Variants in MID1 observed in about 807,000 individuals in gnomAD.
The protein encoded by MID1 is midline 1, also known as E3 ubiquitin-protein ligase Midline-1.
A neutral mutation model predicts 40.4 loss-of-function variants in MID1; 7 were observed. The observed-to-expected ratio is 0.17, with a 90% CI of 0.10 to 0.33. The LOEUF is 0.33. Among genes scored for constraint, MID1 ranks in the 10% least tolerant of loss-of-function variants. MID1 has a pLI of 1.00. For synonymous variants in MID1, 229 were observed against 221.2 expected (o/e 1.04, Z -0.31); for missense variants, 367 against 558.5 (o/e 0.66, Z 3.46).
intron 1 of MID1, chrX:10,582,945 T>TA (rs1935052538): frequency 1.8e-5 from 2 of 111,972 alleles, no homozygotes; most frequent in Non-Finnish European, 3.8e-5. Context: ...ATTAATAAAA[T>TA]AAGAGTTTGG....
At chrX:10,673,768 T>C (rs1425370467) in intron 1 of MID1, among the ~76,000 whole-genome samples, 1 of 111,398 alleles carries the variant, frequency 9.0e-6, no homozygotes, top group African/African-American at 3.3e-5. Context: ...ACCTTAGTAG[T>C]GTGGCATGAA....
At chrX:10,670,418 A>C (rs536030299) in intron 1 of MID1, among the ~76,000 whole-genome samples, 3 of 111,905 alleles carry the variant, frequency 2.7e-5, no homozygotes, top group African/African-American at 9.7e-5. Context: ...AGAATATTAA[A>C]GAAAATAAAA....
upstream of MID1, among the ~76,000 whole-genome samples, chrX:10,622,336 G>A (rs1935944176): frequency 9.0e-6 from 1 of 111,283 alleles, no homozygotes; most frequent in South Asian, 3.8e-4. Context: ...CTACAACTGC[G>A]TCTGCCTTCT....
At chrX:10,696,912 T>C (rs2147079926) in intron 1 of MID1, among the ~76,000 whole-genome samples, 1 of 112,205 alleles carries the variant, frequency 8.9e-6, no homozygotes, top group Admixed American at 9.5e-5. Context: ...AATGATCACC[T>C]TGTTTGGAAC....
intron 1 of MID1, among the ~76,000 whole-genome samples, chrX:10,814,366 T>A (rs2044121151): frequency 9.0e-6 from 1 of 111,671 alleles, no homozygotes; most frequent in Non-Finnish European, 1.9e-5. Flanking sequence ...GCCACCAGAA[T>A]GACTCACAGT....
chrX:10,461,667 G>A (rs73492936), intron 7 of MID1, among the ~76,000 whole-genome samples: 6,598 of 111,523 alleles, frequency 0.059, 370 homozygotes, highest in African/African-American at 0.18. Flanking sequence ...TATTATTACA[G>A]TAGTAATAAA....
chrX:10,623,216 A>T (rs1213818993), upstream of MID1, among the ~76,000 whole-genome samples: 1 of 105,448 alleles, frequency 9.5e-6, no homozygotes, highest in East Asian at 2.9e-4. Context: ...GTGCCACTGC[A>T]CTCCAGCCTG....
intron 1 of MID1, among the ~76,000 whole-genome samples, chrX:10,778,195 T>C (rs1457215975): frequency 9.0e-6 from 1 of 111,116 alleles, no homozygotes; most frequent in Non-Finnish European, 1.9e-5. Context: ...GTACAGCAGG[T>C]TTGTTTAACC....
intron 1 of MID1, among the ~76,000 whole-genome samples, chrX:10,602,270 T>A (rs1935544802): frequency 9.3e-6 from 1 of 107,812 alleles, no homozygotes; most frequent in Non-Finnish European, 1.9e-5. Context: ...TTTAAAAAAA[T>A]TTTTAAATGC....
At chrX:10,562,960 C>T (rs1305822295) in intron 2 of MID1, among the ~76,000 whole-genome samples, 1 of 97,034 alleles carries the variant, frequency 1.0e-5, no homozygotes, top group Non-Finnish European at 2.0e-5. Flanking sequence ...AGAACCTGCA[C>T]TATGCCTGCT....
chrX:10,733,671 A>G (rs905520322), intron 1 of MID1, among the ~76,000 whole-genome samples: 3 of 111,983 alleles, frequency 2.7e-5, no homozygotes, highest in Non-Finnish European at 5.6e-5. Context: ...AAACATGTGA[A>G]CAGAAACTTC....
chrX:10,687,143 C>T (rs1191567818), intron 1 of MID1, among the ~76,000 whole-genome samples: 1 of 111,812 alleles, frequency 8.9e-6, no homozygotes, highest in African/African-American at 3.3e-5. Context: ...ATATTCTCTG[C>T]CCTGACCTCC....
At position 10,828,914 on chromosome X, in the gene MID1, G is replaced by A. The variant is rs915530847; in HGVS notation, c.-187+4640C>T. ...ATGACCATTTTCAATACTCATAACC[G>A]TCCAATGAAGTGTGTATTTATGTCT... On this transcript the variant is annotated intron_variant, in intron 1 of 10. Transcript: ENST00000380785. Among the ~76,000 whole-genome samples, 13 of 111,978 alleles carry A rather than the reference G, an allele frequency of 1.2e-4. 1 individual carries two copies. Among genetic ancestry groups the A allele is most frequent in the Non-Finnish European group, 1.5e-4 (8 of 53,206 alleles).
In MID1 at chrX:10,449,554, G is replaced by A. The variant is rs1928196158; in HGVS notation, c.1818C>T (p.Ile606=). ...EPAPHLRRVG[I]LLDYDNGSIA... ...TAGAGCCGTTATCATAGTCCAGCAG[G>A]ATGCCCACGCGCCGGAGGTGGGGGG... is the stretch of plus-strand genomic sequence containing the variant. Residue 606 remains isoleucine, a synonymous_variant, in exon 10 of 10, where the codon ATC becomes ATT. Coordinates refer to ENST00000317552, the MANE Select transcript of MID1 (RefSeq NM_000381.4). The A allele has an allele frequency of 8.3e-7, 1 of 1,211,740 alleles. No individual in the cohort carries two copies. Among genetic ancestry groups the A allele is most frequent in the East Asian group, 3.0e-5 (1 of 33,817 alleles).
chrX:10,605,870 T>C (rs1346683734), intron 1 of MID1, among the ~76,000 whole-genome samples: 1 of 111,311 alleles, frequency 9.0e-6, no homozygotes, highest in Non-Finnish European at 1.9e-5. Flanking sequence ...TACTTCAAGG[T>C]GCACCTTCCT....
chrX:10,820,895 C>CTA (rs1287939001), intron 1 of MID1, among the ~76,000 whole-genome samples: 1 of 112,424 alleles, frequency 8.9e-6, no homozygotes, highest in Non-Finnish European at 1.9e-5. Context: ...GTGTGATTGA[C>CTA]TATAACATGA....
At chrX:10,653,548 G>C (rs1305151398) in intron 1 of MID1, among the ~76,000 whole-genome samples, 1 of 112,488 alleles carries the variant, frequency 8.9e-6, no homozygotes, top group Non-Finnish European at 1.9e-5. Context: ...TGGGGATGAG[G>C]TCTGTGCCTC....
At chrX:10,803,797 T>C (rs1007572431) in intron 1 of MID1, among the ~76,000 whole-genome samples, 3 of 112,164 alleles carry the variant, frequency 2.7e-5, no homozygotes, top group Non-Finnish European at 5.6e-5. Context: ...TGTTATTAGT[T>C]TTGGAAAATT....
At chrX:10,562,580 G>A (rs193075907) in intron 2 of MID1, among the ~76,000 whole-genome samples, 1 of 103,985 alleles carries the variant, frequency 9.6e-6, no homozygotes, top group East Asian at 2.9e-4. Context: ...TGATCTTAAG[G>A]GATTTAAACT....
Sources: gnomAD v4.1 joint callset for allele counts (sites outside exome capture counted in the v4.1 genomes callset) on GRCh38, gnomAD v4.1.1 for gene constraint, MANE v1.5 for transcripts, NCBI Gene and HGNC (gene_info 2026-07-23, HGNC 2026-07-21) for gene names.